The following PVT1 variants were observed in gnomAD, a reference collection of about 807,000 sequenced individuals.
PVT1 encodes the protein Pvt1 oncogene.
chr8:128,073,270 G>A lies in PVT1; in HGVS notation n.1114+2909G>A, dbSNP rs146594405. 3.0e-3 allele frequency among the ~76,000 whole-genome samples: 454 copies of A among 152,268 alleles called. 2 individuals carry two copies. Among genetic ancestry groups the A allele is most frequent in the Middle Eastern group, 0.014 (4 of 294 alleles). On this transcript the variant is annotated intron_variant and non_coding_transcript_variant, in intron 5 of 10. Transcript: ENST00000651587. ...AAGGTCTAGATTTCCTTGGGAGCAC[G>A]TTTTAACCTAAACCTGCATAACTAG... is the stretch of plus-strand genomic sequence containing the variant.
intron 4 of PVT1, among the ~76,000 whole-genome samples, chr8:128,001,183 A>G (rs66940325): frequency 0.12 from 18,940 of 151,824 alleles, 1,535 homozygotes; most frequent in Non-Finnish European, 0.18. Context: ...TGCTGTCTGC[A>G]CCCCGTTTGG....
chr8:128,070,037 G>A (rs538851473), intron 4 of PVT1: 79 of 152,244 alleles, frequency 5.2e-4, no homozygotes, highest in African/African-American at 1.9e-3. Flanking sequence ...GGCCCTGCAT[G>A]AGGGCCTGCA....
chr8:127,944,620 G>A (rs1412867334), intron 3 of PVT1, among the ~76,000 whole-genome samples: 1 of 151,858 alleles, frequency 6.6e-6, no homozygotes, highest in Non-Finnish European at 1.5e-5. Context: ...GGGGAAGGAG[G>A]GATCCAAAGC....
Position 127,914,955 on chromosome 8 carries a change from G to A in PVT1, n.782+23957G>A, listed in dbSNP as rs548996946. 4.9e-4 allele frequency among the ~76,000 whole-genome samples: 75 copies of A among 151,878 alleles called. 1 individual carries two copies. Among genetic ancestry groups the A allele is most frequent in the African/African-American group, 1.3e-3 (54 of 41,446 alleles). On this transcript the variant is annotated intron_variant and non_coding_transcript_variant, in intron 3 of 10. Coordinates refer to ENST00000651587, the Ensembl canonical transcript of PVT1. ...ATTCTCCTGCCTCAGCCTCCTGAGC[G>A]GTTAGGGTTACAGTCATGTGCCATC...
chr8:127,998,481 T>G (rs1817132583), intron 4 of PVT1: 1 of 152,198 alleles, frequency 6.6e-6, no homozygotes. Context: ...TGTGCCCATT[T>G]GACATACTTT....
At chr8:127,937,881 C>A (rs761238136) in intron 3 of PVT1, among the ~76,000 whole-genome samples, 2 of 152,120 alleles carry the variant, frequency 1.3e-5, no homozygotes, top group Non-Finnish European at 2.9e-5. Flanking sequence ...AGTCTCACTG[C>A]GAAAGTAACA....
At chr8:127,930,687 G>A (rs2129885621) in intron 3 of PVT1, among the ~76,000 whole-genome samples, 1 of 152,154 alleles carries the variant, frequency 6.6e-6, no homozygotes, top group Non-Finnish European at 1.5e-5. Context: ...GGCGTCAAAG[G>A]TTTTTCTTTC....
intron 4 of PVT1, among the ~76,000 whole-genome samples, chr8:128,039,986 T>A (rs1173442251): frequency 6.6e-6 from 1 of 152,224 alleles, no homozygotes; most frequent in Admixed American, 6.5e-5. Flanking sequence ...TTTATTGATA[T>A]GGGCCAATCC....
chr8:127,914,824 T>TG (rs1815961584), intron 3 of PVT1, among the ~76,000 whole-genome samples: 2 of 151,382 alleles, frequency 1.3e-5, no homozygotes, highest in African/African-American at 4.9e-5. Flanking sequence ...GGTTTTTTTT[T>TG]TTTTTTTTTT....
At chr8:127,810,812 T>C (rs968449521) in intron 2 of PVT1, among the ~76,000 whole-genome samples, 2 of 152,298 alleles carry the variant, frequency 1.3e-5, no homozygotes, top group East Asian at 1.9e-4. Flanking sequence ...CTCCTACCTA[T>C]GCTTTATGAC....
At chr8:128,069,188 G>C (rs1813950357) in intron 4 of PVT1, among the ~76,000 whole-genome samples, 1 of 152,208 alleles carries the variant, frequency 6.6e-6, no homozygotes, top group Non-Finnish European at 1.5e-5. Flanking sequence ...CCTGTATAGA[G>C]AGAGGCTAGC....
intron 6 of PVT1, chr8:128,101,210 C>T (rs3901778): frequency 0.76 from 115,198 of 152,158 alleles, 47,707 homozygotes; most frequent in Non-Finnish European, 0.94. Flanking sequence ...TCATCGCCCA[C>T]GTGGCGTGGC....
At chr8:127,941,531 G>T (rs557041834) in intron 3 of PVT1, among the ~76,000 whole-genome samples, 1 of 152,286 alleles carries the variant, frequency 6.6e-6, no homozygotes, top group East Asian at 1.9e-4. Flanking sequence ...GCATTGAATT[G>T]TTGACCTATA....
rs1815893683 is a variant in PVT1, at chr8:127,911,221, T to C, written n.782+20223T>C. Among the ~76,000 whole-genome samples, 3 of 152,332 alleles carry C rather than the reference T, an allele frequency of 2.0e-5. No homozygotes were observed. The South Asian group carries it at 6.2e-4, about 32-fold the overall frequency. On this transcript the variant is annotated intron_variant and non_coding_transcript_variant, in intron 3 of 10. Coordinates refer to ENST00000651587, the Ensembl canonical transcript of PVT1. ...CTTGCAGCCTATGTCGGGCTCCTCTTATAGAGCCACCCCCTTGCTTATGCT... is the reference window on the plus strand; with the variant it reads ...CTTGCAGCCTATGTCGGGCTCCTCTCATAGAGCCACCCCCTTGCTTATGCT...
intron 2 of PVT1, among the ~76,000 whole-genome samples, chr8:127,815,243 A>C (rs1814646150): frequency 6.6e-6 from 1 of 152,246 alleles, no homozygotes; most frequent in Non-Finnish European, 1.5e-5. Flanking sequence ...CTGGGATTAC[A>C]GGCATGAGCC....
chr8:128,034,936 C>G (rs944268381), intron 4 of PVT1, among the ~76,000 whole-genome samples: 1 of 152,144 alleles, frequency 6.6e-6, no homozygotes, highest in Non-Finnish European at 1.5e-5. Context: ...CTTGCTTTGC[C>G]TGATTTGTTG....
At chr8:128,066,699 C>T (rs909784404) in intron 4 of PVT1, among the ~76,000 whole-genome samples, 4 of 152,200 alleles carry the variant, frequency 2.6e-5, no homozygotes, top group African/African-American at 7.2e-5. Flanking sequence ...GAGGTGGCAG[C>T]TCTGGTACCA....
At chr8:127,963,911 A>G (rs1353318488) in intron 3 of PVT1, among the ~76,000 whole-genome samples, 3 of 152,160 alleles carry the variant, frequency 2.0e-5, no homozygotes, top group African/African-American at 7.2e-5. Flanking sequence ...TGGAATAGAA[A>G]TATCTTCGTA....
intron 2 of PVT1, among the ~76,000 whole-genome samples, chr8:127,863,400 G>A (rs555808478): frequency 8.5e-5 from 13 of 152,292 alleles, no homozygotes; most frequent in African/African-American, 2.4e-4. Flanking sequence ...ATGAGCCACC[G>A]TGCCTGGCCA....
Sources: gnomAD v4.1 joint callset for allele counts (sites outside exome capture counted in the v4.1 genomes callset) on GRCh38, gnomAD v4.1.1 for gene constraint, MANE v1.5 for transcripts, NCBI Gene and HGNC (gene_info 2026-07-23, HGNC 2026-07-21) for gene names.